The following RBMS3 variants were observed in gnomAD, a reference collection of about 807,000 sequenced individuals.
RBMS3 encodes the protein RNA-binding motif, single-stranded-interacting protein 3.
In RBMS3, 27 loss-of-function variants were observed where a neutral mutation model predicts 66.8. That is an observed-to-expected ratio of 0.40 (90% confidence interval 0.30 to 0.56). The LOEUF (loss-of-function observed/expected upper bound fraction) is 0.56, where lower values mean the gene tolerates loss of function less well. Ranked by LOEUF, RBMS3 falls within the 20% of genes least tolerant of loss-of-function variation. The pLI, the probability that RBMS3 is intolerant of heterozygous loss-of-function variation, is 0.40. For missense variants in RBMS3, 513 were observed against 549.5 expected (o/e 0.93, Z 0.66); for synonymous variants, 188 against 183.0 (o/e 1.03, Z -0.22).
At chr3:29,400,821 G>A (rs1443637735) in intron 1 of RBMS3, among the ~76,000 whole-genome samples, 1 of 152,028 alleles carries the variant, frequency 6.6e-6, no homozygotes, top group African/African-American at 2.4e-5. Flanking sequence ...AGAAATATCA[G>A]GAACTCCATG....
At chr3:29,670,840 C>T (rs1427805386) in intron 4 of RBMS3, among the ~76,000 whole-genome samples, 5 of 152,064 alleles carry the variant, frequency 3.3e-5, no homozygotes, top group African/African-American at 1.2e-4. Context: ...CATAGCTGAA[C>T]AAAAGGCACA....
intron 4 of RBMS3, among the ~76,000 whole-genome samples, chr3:29,659,682 T>C (rs946829120): frequency 2.0e-5 from 3 of 152,244 alleles, no homozygotes; most frequent in South Asian, 2.1e-4. Context: ...AATACTGCTA[T>C]GCACATGGGC....
intron 10 of RBMS3, among the ~76,000 whole-genome samples, chr3:29,901,605 T>C (rs966846102): frequency 6.6e-6 from 1 of 151,772 alleles, no homozygotes; most frequent in African/African-American, 2.4e-5. Context: ...TGTTCGCATG[T>C]ATTATTTCTG....
chr3:29,971,174 T>C lies in RBMS3; in HGVS notation c.1099-16969T>C, dbSNP rs546268941. Among the ~76,000 whole-genome samples the C allele has an allele frequency of 1.6e-4, 25 of 152,268 alleles. No homozygotes were observed. In the South Asian group the frequency reaches 5.2e-3, roughly 32 times the overall value. ...CTGCCTCCTCTCTTGGACTCACTTG[T>C]CCACCCTGGCCCACTACTCATCTCT... On this transcript the variant is annotated intron_variant, in intron 12 of 14. Coordinates refer to ENST00000383767, the MANE Select transcript of RBMS3 (RefSeq NM_001003793.3).
chr3:29,365,328 A>G (rs1013492429), intron 1 of RBMS3, among the ~76,000 whole-genome samples: 3 of 151,958 alleles, frequency 2.0e-5, no homozygotes, highest in Non-Finnish European at 4.4e-5. Flanking sequence ...ATATATATAT[A>G]TATTCTTTAA....
chr3:29,555,065 G>GT (rs1407055528), intron 3 of RBMS3, among the ~76,000 whole-genome samples: 4 of 152,094 alleles, frequency 2.6e-5, no homozygotes, highest in African/African-American at 4.8e-5. Context: ...TAATTCATGA[G>GT]TATATAATCA....
At chr3:29,664,053 T>C (rs1293110461) in intron 4 of RBMS3, among the ~76,000 whole-genome samples, 1 of 152,172 alleles carries the variant, frequency 6.6e-6, no homozygotes, top group Non-Finnish European at 1.5e-5. Context: ...CCCTTGAAAA[T>C]AGTAAAATTA....
At chr3:29,427,272 T>C (rs950126977) in intron 1 of RBMS3, among the ~76,000 whole-genome samples, 2 of 152,240 alleles carry the variant, frequency 1.3e-5, no homozygotes, top group East Asian at 3.8e-4. Flanking sequence ...TAGCATAAAA[T>C]TGCAAAGCCA....
chr3:29,400,684 A>G (rs2125664921), intron 1 of RBMS3, among the ~76,000 whole-genome samples: 2 of 152,152 alleles, frequency 1.3e-5, no homozygotes. Flanking sequence ...GGCATAGTGA[A>G]TAGGTGAAAA....
intron 6 of RBMS3, among the ~76,000 whole-genome samples, chr3:29,818,314 T>G (rs2057975700): frequency 6.6e-6 from 1 of 152,032 alleles, no homozygotes; most frequent in South Asian, 2.1e-4. Context: ...ATTTTTCTTC[T>G]TTAATAAGTA....
intron 1 of RBMS3, among the ~76,000 whole-genome samples, chr3:29,288,754 C>A (rs566641267): frequency 1.3e-5 from 2 of 152,008 alleles, no homozygotes; most frequent in East Asian, 3.9e-4. Flanking sequence ...TCGACTGAAT[C>A]CAAAACCTAC....
At chr3:29,659,597 A>G (rs1264766667) in intron 4 of RBMS3, among the ~76,000 whole-genome samples, 1 of 152,202 alleles carries the variant, frequency 6.6e-6, no homozygotes, top group African/African-American at 2.4e-5. Context: ...CAGTATATGT[A>G]TATACTACAT....
rs554062686 is a variant in RBMS3, at chr3:29,388,779, T to C, written c.76-45964T>C. Among the ~76,000 whole-genome samples, 7 of 152,318 alleles carry C rather than the reference T, an allele frequency of 4.6e-5. No homozygotes were observed. The South Asian group carries it at 6.2e-4, about 14-fold the overall frequency. ...CAGGGTTTCACCATGTTAGCCAGGA[T>C]GGTCTCAATCTCCTGACCTCGTGAT... On this transcript the variant is annotated intron_variant, in intron 1 of 14. Transcript: ENST00000383767.
intron 4 of RBMS3, among the ~76,000 whole-genome samples, chr3:29,666,179 G>A (rs1559550211): frequency 1.3e-5 from 2 of 152,222 alleles, no homozygotes; most frequent in South Asian, 2.1e-4. Context: ...CACTTGATAA[G>A]TTGACCACCC....
chr3:29,322,338 G>A (rs894910165), intron 1 of RBMS3, among the ~76,000 whole-genome samples: 18 of 151,924 alleles, frequency 1.2e-4, no homozygotes, highest in Non-Finnish European at 1.8e-4. Flanking sequence ...TAATTTATCC[G>A]GAGTTTGTGT....
chr3:29,799,544 A>G (rs2057323748), intron 6 of RBMS3, among the ~76,000 whole-genome samples: 1 of 152,194 alleles, frequency 6.6e-6, no homozygotes, highest in South Asian at 2.1e-4. Flanking sequence ...TTCCTTATTC[A>G]TTTTAAATAT....
chr3:29,910,756 CAT>C (rs754852167), intron 10 of RBMS3, among the ~76,000 whole-genome samples: 1 of 123,572 alleles, frequency 8.1e-6, no homozygotes. Flanking sequence ...TATACATATA[CAT>C]ATATATGTAT....
chr3:29,779,706 A>AATATATATATATATATAT lies in RBMS3; in HGVS notation c.637+16719_637+16736dup, dbSNP rs566888716. 4.6e-3 allele frequency among the ~76,000 whole-genome samples: 493 copies of AATATATATATATATATAT among 106,976 alleles called. 16 individuals carry two copies. The highest frequency in any genetic ancestry group is 0.011 in the African/African-American group (352 of 32,396). The allele number at this position is 106,976 out of a possible 152,430, so 70.2% of individuals were successfully genotyped here. On this transcript the variant is annotated intron_variant, in intron 6 of 14. Transcript: ENST00000383767. ...TCTCAGCAATCCTAGATTAAGATGAAATATATATATATATATATAAACAAC... is the reference window on the plus strand; with the variant it reads ...TCTCAGCAATCCTAGATTAAGATGAAATATATATATATATATATATATATATATATATATATAAACAAC...
intron 3 of RBMS3, among the ~76,000 whole-genome samples, chr3:29,495,710 G>A (rs566173121): frequency 5.9e-5 from 9 of 151,938 alleles, no homozygotes; most frequent in Non-Finnish European, 1.2e-4. Flanking sequence ...GAGCCACTGC[G>A]CCCGGTCAGA....
Sources: gnomAD v4.1 joint callset for allele counts (sites outside exome capture counted in the v4.1 genomes callset) on GRCh38, gnomAD v4.1.1 for gene constraint, MANE v1.5 for transcripts, NCBI Gene and HGNC (gene_info 2026-07-23, HGNC 2026-07-21) for gene names.